Variants in CD8A observed in about 807,000 individuals in gnomAD.
CD8A encodes the protein T-cell surface glycoprotein CD8 alpha chain.
Under a neutral mutation model 24.2 loss-of-function variants are expected in CD8A, and 25 were observed. That is an observed-to-expected ratio of 1.03 (90% CI 0.75 to 1.44). The LOEUF (loss-of-function observed/expected upper bound fraction) is 1.44. Among genes scored for constraint, CD8A ranks in the 40% most tolerant of loss-of-function variants. The probability of loss-of-function intolerance (pLI) is 0.00; values close to 1 mark genes in which losing one functional copy is unlikely to be tolerated. For missense variants in CD8A, 360 were observed against 319.7 expected, an observed-to-expected ratio of 1.13 and a Z score of -0.96; for synonymous variants, 165 against 149.9, an observed-to-expected ratio of 1.10 and a Z score of -0.74.
At chr2:86,792,036 A>AAAAAT (rs1056942139), upstream of CD8A, among the ~76,000 whole-genome samples, 3 of 152,042 alleles carry the variant, frequency 2.0e-5, no homozygotes, top group African/African-American at 7.2e-5. Context: ...TGTTTCTTTA[A>AAAAAT]AAAATAAAAT....
At chr2:86,798,398 C>T (rs1673551127) in intron 3 of CD8A, among the ~76,000 whole-genome samples, 1 of 152,212 alleles carries the variant, frequency 6.6e-6, no homozygotes, top group Non-Finnish European at 1.5e-5. Context: ...TGGTCTCGAA[C>T]TCCCAACCTC....
chr2:86,793,042 T>C (rs912900275), upstream of CD8A, among the ~76,000 whole-genome samples: 11 of 152,240 alleles, frequency 7.2e-5, no homozygotes, highest in Non-Finnish European at 4.4e-5. Flanking sequence ...TACAGTTGAA[T>C]GTGTCCCTTA....
chr2:86,789,851 G>A (rs1485642133), intron 2 of CD8A, 101 bp from the exon 3 acceptor site: 1 of 657,638 alleles, frequency 1.5e-6, no homozygotes, highest in Non-Finnish European at 2.3e-6. Flanking sequence ...CCTCCCCCCG[G>A]TTTTCCTGGG....
chr2:86,788,400 A>G, intron 5 of CD8A, 130 bp downstream of exon 5: 1 of 770,546 alleles, frequency 1.3e-6, no homozygotes, highest in Non-Finnish European at 2.3e-6. Flanking sequence ...GAACTGGCTG[A>G]CTCCCTGCCC....
intron 5 of CD8A, among the ~76,000 whole-genome samples, chr2:86,786,446 C>T (rs1212916842): frequency 1.3e-5 from 2 of 152,210 alleles, no homozygotes; most frequent in Non-Finnish European, 2.9e-5. Context: ...TAATTCAGCA[C>T]CAGGCTAGCA....
chr2:86,805,081 G>T (rs1673801498), intron 2 of CD8A, among the ~76,000 whole-genome samples: 1 of 152,022 alleles, frequency 6.6e-6, no homozygotes, highest in Non-Finnish European at 1.5e-5. Flanking sequence ...GGGATTACAG[G>T]CATGAGCCAC....
At chr2:86,787,060 A>G (rs1573457187) in intron 5 of CD8A, among the ~76,000 whole-genome samples, 1 of 138,894 alleles carries the variant, frequency 7.2e-6, no homozygotes, top group Non-Finnish European at 1.5e-5. Flanking sequence ...AGAAAAGAAA[A>G]GCTAAAAACT....
chr2:86,789,802 C>T, intron 2 of CD8A, 52 bp from the exon 3 acceptor site: 1 of 1,121,656 alleles, frequency 8.9e-7, no homozygotes, highest in Non-Finnish European at 1.2e-6. Context: ...TATGGAGGCG[C>T]CCCAGCCCCG....
At chr2:86,789,211 G>A (rs1673155401) in intron 4 of CD8A, 112 bp downstream of exon 4, 6 of 773,308 alleles carry the variant, frequency 7.8e-6, no homozygotes. Context: ...CAGCTCGGGA[G>A]TCCCAGAAAA....
intron 2 of CD8A, among the ~76,000 whole-genome samples, chr2:86,804,623 T>G (rs1673779775): frequency 6.6e-6 from 1 of 151,970 alleles, no homozygotes; most frequent in East Asian, 1.9e-4. Context: ...TTATTTTTTT[T>G]AGAGACAGAG....
At chr2:86,787,898 A>AGAGAGTGTGTGTGTGTGTGTGT (rs369993109) in intron 5 of CD8A, among the ~76,000 whole-genome samples, 1 of 144,490 alleles carries the variant, frequency 6.9e-6, no homozygotes. Context: ...AGAGAGAGAG[A>AGAGAGTGTGTGTGTGTGTGTGT]GTGTGTGTGT....
exon 2 of CD8A, chr2:86,807,562 C>G (rs985452217): frequency 1.3e-5 from 2 of 152,594 alleles, no homozygotes; most frequent in Non-Finnish European, 2.9e-5. Context: ...CGGCTGCTGA[C>G]CCGGCACCAA....
upstream of CD8A, among the ~76,000 whole-genome samples, chr2:86,793,792 G>C (rs764940589): frequency 1.4e-4 from 21 of 152,190 alleles, no homozygotes; most frequent in Non-Finnish European, 2.5e-4. Context: ...CTTTAAAATA[G>C]ACTAGTTCCA....
At chr2:86,796,946 T>C (rs1673503600) in intron 3 of CD8A, among the ~76,000 whole-genome samples, 1 of 152,190 alleles carries the variant, frequency 6.6e-6, no homozygotes. Context: ...ATAAACCCCT[T>C]AATTTTAGTC....
intron 2 of CD8A, among the ~76,000 whole-genome samples, chr2:86,805,161 C>G (rs1433992855): frequency 6.6e-6 from 1 of 151,756 alleles, no homozygotes; most frequent in Non-Finnish European, 1.5e-5. Flanking sequence ...TGGGGTGATA[C>G]AAGAAAAGGA....
At chr2:86,793,413 T>A (rs1673375395), upstream of CD8A, among the ~76,000 whole-genome samples, 1 of 152,032 alleles carries the variant, frequency 6.6e-6, no homozygotes, top group Admixed American at 6.5e-5. Context: ...CCTATCGATG[T>A]ATGCATGTGT....
chr2:86,792,760 T>C (rs1673353580), upstream of CD8A, among the ~76,000 whole-genome samples: 1 of 151,804 alleles, frequency 6.6e-6, no homozygotes, highest in Non-Finnish European at 1.5e-5. Context: ...GCCTCCAAAG[T>C]GTTGAGATTA....
chr2:86,801,738 A>C (rs1226904678), intron 2 of CD8A: 1 of 152,174 alleles, frequency 6.6e-6, no homozygotes, highest in African/African-American at 2.4e-5. Context: ...ATGGAGACAA[A>C]ATTTCTCAGT....
chr2:86,807,218 AG>A (rs1331109518), intron 2 of CD8A, among the ~76,000 whole-genome samples: 2 of 152,076 alleles, frequency 1.3e-5, no homozygotes, highest in African/African-American at 4.8e-5. Context: ...GCTACTTGGG[AG>A]GCTGAGGTGG....
Sources: gnomAD v4.1 joint callset for allele counts (sites outside exome capture counted in the v4.1 genomes callset) on GRCh38, gnomAD v4.1.1 for gene constraint, MANE v1.5 for transcripts, NCBI Gene and HGNC (gene_info 2026-07-23, HGNC 2026-07-21) for gene names.